Variants in CCDC88A observed in about 807,000 individuals in gnomAD.
CCDC88A encodes girdin.
CCDC88A carries 54 observed loss-of-function variants against 234.3 expected under a neutral mutation model. The observed-to-expected ratio is 0.23, with a 90% CI of 0.19 to 0.29. The LOEUF is 0.29. Ranked by LOEUF, CCDC88A falls within the 10% of genes least tolerant of loss-of-function variation. The pLI is 1.00. For synonymous variants in CCDC88A, 753 were observed against 737.8 expected (o/e 1.02, Z -0.33); for missense variants, 1,832 against 2,123.4 (o/e 0.86, Z 2.70).
intron 2 of CCDC88A, among the ~76,000 whole-genome samples, chr2:55,407,106 C>T (rs1248701429): frequency 1.3e-5 from 2 of 151,476 alleles, no homozygotes; most frequent in South Asian, 2.1e-4. Context: ...CCCAGCTATT[C>T]AGGAAGCTGA....
chr2:55,416,486 A>C lies in CCDC88A; in HGVS notation c.164+2330T>G, dbSNP rs1157209795. On this transcript the variant is annotated intron_variant, in intron 2 of 32. Transcript: ENST00000436346. ...TATATATATATATATATATATATAT[A>C]TGTATATATTTTCTTCTAGGAATAA... 1.7e-5 allele frequency among the ~76,000 whole-genome samples: 2 copies of C among 115,670 alleles called. 1 individual carries two copies. Among genetic ancestry groups the C allele is most frequent in the Non-Finnish European group, 3.7e-5 (2 of 53,766 alleles). 75.9% of individuals were successfully genotyped at this position (115,670 alleles called of 152,430 possible). A position where few individuals can be genotyped will look rare whatever the true frequency, so the allele number is the denominator to read the frequency against.
intron 29 of CCDC88A, among the ~76,000 whole-genome samples, chr2:55,297,398 A>T (rs1680311826): frequency 5.3e-5 from 6 of 113,722 alleles, no homozygotes; most frequent in African/African-American, 7.2e-5. Flanking sequence ...TATTATATAT[A>T]AATATACATA....
At position 55,332,233 on chromosome 2, in the gene CCDC88A, C is replaced by T. The variant is rs1685001790; in HGVS notation, c.2855+333G>A. 1 of 155,930 alleles carries T rather than the reference C, an allele frequency of 6.4e-6. No individual in the cohort carries two copies. Among genetic ancestry groups the T allele is most frequent in the African/African-American group, 2.4e-5 (1 of 41,502 alleles). The allele number at this position is 155,930 out of a possible 1,614,324, so 9.7% of individuals were successfully genotyped here. A position where few individuals can be genotyped will look rare whatever the true frequency, so the allele number is the denominator to read the frequency against. ...TCCCAAGTTCAAGCAATTCTCCTGC[C>T]TCAGCGTCCTGAGTAGCTGGAATTA... On this transcript the variant is annotated intron_variant, in intron 16 of 32. Coordinates refer to ENST00000436346, the MANE Select transcript of CCDC88A (RefSeq NM_001365480.1). This position sits in a 1 kb window ranked among gnomAD's most constrained non-coding sequence, Gnocchi z 4.5.
intron 7 of CCDC88A, among the ~76,000 whole-genome samples, chr2:55,360,260 T>C (rs943462407): frequency 3.3e-5 from 5 of 152,192 alleles, no homozygotes; most frequent in African/African-American, 9.6e-5. Context: ...CTTTTTAGAC[T>C]GAAGTGAAAC....
At chr2:55,394,386 A>G (rs911214838) in intron 2 of CCDC88A, 1 of 152,158 alleles carries the variant, frequency 6.6e-6, no homozygotes, top group Non-Finnish European at 1.5e-5. Flanking sequence ...GTGCTGTAAT[A>G]AACATACGTT....
intron 2 of CCDC88A, among the ~76,000 whole-genome samples, chr2:55,401,521 T>C (rs1041477095): frequency 7.7e-4 from 25 of 32,318 alleles, no homozygotes; most frequent in Admixed American, 6.1e-3. Flanking sequence ...TATATATATA[T>C]ATATATATAT....
chr2:55,323,699 AC>A (rs1167170047), intron 17 of CCDC88A: 1 of 151,562 alleles, frequency 6.6e-6, no homozygotes, highest in Admixed American at 6.6e-5. Context: ...TGAGAATAAA[AC>A]TCGAATCCTT....
At chr2:55,346,382 T>C (rs372470722) in intron 9 of CCDC88A, 49 bp from the exon 10 acceptor site, 2 of 1,007,604 alleles carry the variant, frequency 2.0e-6, no homozygotes, top group Non-Finnish European at 2.9e-6. Context: ...GTTATCAACT[T>C]GTTATTCTTT....
chr2:55,392,079 A>C (rs906616745), intron 2 of CCDC88A, among the ~76,000 whole-genome samples: 3 of 152,154 alleles, frequency 2.0e-5, no homozygotes, highest in African/African-American at 4.8e-5. Context: ...TAAGTTTAGG[A>C]TATATATCCT....
At chr2:55,374,007 AT>A (rs1434019122) in intron 4 of CCDC88A, among the ~76,000 whole-genome samples, 25 of 152,230 alleles carry the variant, frequency 1.6e-4, no homozygotes, top group Non-Finnish European at 7.3e-5. Flanking sequence ...AGGGCAGAAC[AT>A]TTTGAAGAAA....
In CCDC88A at chr2:55,409,232, G is replaced by A. The variant is rs187234547; in HGVS notation, c.164+9584C>T. 2.1e-3 allele frequency among the ~76,000 whole-genome samples: 314 copies of A among 152,090 alleles called. 4 individuals are homozygous for A. Among genetic ancestry groups the A allele is most frequent in the Admixed American group, 0.017 (257 of 15,264 alleles). On this transcript the variant is annotated intron_variant, in intron 2 of 32. Coordinates refer to ENST00000436346, the MANE Select transcript of CCDC88A (RefSeq NM_001365480.1). Reference sequence around the variant, plus strand: ...TCTCAAACTTCCTAATTCCTCCACCGTTATTTACATCTTCATGCCTCTTTT... The same window carrying A: ...TCTCAAACTTCCTAATTCCTCCACCATTATTTACATCTTCATGCCTCTTTT...
chr2:55,317,175 A>G lies in CCDC88A; in HGVS notation c.3746+31T>C. ...TATATGTATATACTTTCTATATAAA[A>G]TGTTTGTTATATATAATATATATTT... is the stretch of plus-strand genomic sequence containing the variant. On this transcript the variant is annotated intron_variant, in intron 21 of 32. Coordinates refer to ENST00000436346, the MANE Select transcript of CCDC88A (RefSeq NM_001365480.1). The surrounding 1 kb of genome is among the most constrained non-coding windows in gnomAD (Gnocchi z 4.2). 5.1e-6 allele frequency: 5 copies of G among 980,802 alleles called. No individual in the cohort carries two copies. The highest frequency in any genetic ancestry group is 6.9e-6 in the Non-Finnish European group (5 of 720,650). 60.8% of individuals were successfully genotyped at this position (980,802 alleles called of 1,614,324 possible).
intron 31 of CCDC88A, chr2:55,295,098 T>C: frequency 7.7e-7 from 1 of 1,303,904 alleles, no homozygotes; most frequent in Non-Finnish European, 1.0e-6. Context: ...AACAGTTTGA[T>C]TATCCTCAGA....
intron 2 of CCDC88A, among the ~76,000 whole-genome samples, chr2:55,410,700 A>ATT (rs1180784204): frequency 3.3e-5 from 5 of 152,180 alleles, no homozygotes; most frequent in Non-Finnish European, 5.9e-5. Flanking sequence ...AATGGGCAAC[A>ATT]CAGCAAAACT....
chr2:55,400,896 C>T (rs1427125167), intron 2 of CCDC88A, among the ~76,000 whole-genome samples: 4 of 152,090 alleles, frequency 2.6e-5, no homozygotes, highest in African/African-American at 4.8e-5. Context: ...TATAAAATAA[C>T]ATAACTATGT....
At chr2:55,394,353 C>T (rs1677163168) in intron 2 of CCDC88A, 1 of 152,050 alleles carries the variant, frequency 6.6e-6, no homozygotes, top group African/African-American at 2.4e-5. Flanking sequence ...TGGGTTGGTT[C>T]CAAGTCTTTG....
intron 2 of CCDC88A, among the ~76,000 whole-genome samples, chr2:55,393,892 G>A (rs143760652): frequency 6.6e-6 from 1 of 152,278 alleles, no homozygotes; most frequent in East Asian, 1.9e-4. Context: ...CCATCTATGA[G>A]ACATTCCCTT....
intron 31 of CCDC88A, chr2:55,294,429 A>C (rs187234069): frequency 1.1e-6 from 1 of 890,222 alleles, no homozygotes; most frequent in East Asian, 1.2e-4. Flanking sequence ...CAATCTTTTA[A>C]ATCTGAAAAA....
At chr2:55,363,830 C>T (rs1574290622) in intron 6 of CCDC88A, 120 bp downstream of exon 6, 1 of 536,576 alleles carries the variant, frequency 1.9e-6, no homozygotes, top group East Asian at 3.2e-5. Flanking sequence ...AAGCAGGGTC[C>T]ATCTATATTT....
Sources: allele counts gnomAD v4.1 joint callset (sites outside exome capture counted in the v4.1 genomes callset), GRCh38; gene constraint gnomAD v4.1.1; non-coding constraint Gnocchi (gnomAD v3.1); transcripts MANE v1.5; gene names NCBI Gene and HGNC (gene_info 2026-07-23, HGNC 2026-07-21).